Variants in CTNNA3 observed in about 807,000 individuals in gnomAD.
The protein encoded by CTNNA3 is catenin alpha 3.
Under a neutral mutation model 95.7 loss-of-function variants are expected in CTNNA3, and 76 were observed. That is an observed-to-expected ratio of 0.79 (90% CI 0.66 to 0.96). The LOEUF is 0.96. Among genes scored for constraint, CTNNA3 ranks in the 40% least tolerant of loss-of-function variants. The probability of loss-of-function intolerance (pLI) is 0.00; values close to 1 mark genes in which losing one functional copy is unlikely to be tolerated. For synonymous variants in CTNNA3, 431 were observed against 374.4 expected (o/e 1.15, Z -1.74); for missense variants, 1,191 against 1,089.8 (o/e 1.09, Z -1.31).
intron 13 of CTNNA3, among the ~76,000 whole-genome samples, chr10:66,165,578 T>G (rs777948995): frequency 5.9e-5 from 9 of 152,060 alleles, no homozygotes; most frequent in African/African-American, 1.9e-4. Flanking sequence ...CTAATGCCAG[T>G]CTTCTCAAAA....
chr10:66,856,095 C>T (rs2132396091), intron 7 of CTNNA3, among the ~76,000 whole-genome samples: 1 of 151,952 alleles, frequency 6.6e-6, no homozygotes, highest in South Asian at 2.1e-4. Context: ...TAGAGTACAC[C>T]CTGGTGTCTG....
intron 12 of CTNNA3, among the ~76,000 whole-genome samples, chr10:66,308,076 T>C (rs546786745): frequency 6.6e-6 from 1 of 152,342 alleles, no homozygotes; most frequent in Admixed American, 6.5e-5. Context: ...CATCTTTGTT[T>C]ATACTGTAGG....
rs948937414 is a variant in CTNNA3 at position 66,268,970 on chromosome 10, T to G, written c.1884+11500A>C. On this transcript the variant is annotated intron_variant, in intron 13 of 17. Transcript: ENST00000433211. Reference sequence around the variant, plus strand: ...GGCTGGCATCAGACCAACGTAAGGTTGATAAATAAACCATCATTGCAATAA... The same window carrying G: ...GGCTGGCATCAGACCAACGTAAGGTGGATAAATAAACCATCATTGCAATAA... Among the ~76,000 whole-genome samples the G allele has an allele frequency of 1.4e-4, 21 of 152,164 alleles. 1 individual carries two copies. The highest frequency in any genetic ancestry group is 4.4e-5 in the Non-Finnish European group (3 of 68,028).
chr10:67,188,858 G>A (rs1862987987), intron 6 of CTNNA3, among the ~76,000 whole-genome samples: 1 of 151,994 alleles, frequency 6.6e-6, no homozygotes, highest in Non-Finnish European at 1.5e-5. Context: ...GCCTATAATT[G>A]CAACATTTTG....
At chr10:66,490,792 G>A (rs1839897128) in intron 11 of CTNNA3, among the ~76,000 whole-genome samples, 1 of 152,186 alleles carries the variant, frequency 6.6e-6, no homozygotes, top group Non-Finnish European at 1.5e-5. Flanking sequence ...CTCTATGCAT[G>A]AGGAAGCAAG....
intron 14 of CTNNA3, among the ~76,000 whole-genome samples, chr10:66,085,268 AAAAT>A (rs2080937432): frequency 6.6e-6 from 1 of 152,190 alleles, no homozygotes; most frequent in Admixed American, 6.6e-5. Context: ...TTCACTAAGG[AAAAT>A]AAACAAGGAA....
rs1113977 is a variant in CTNNA3 at position 67,757,985 on chromosome 10, G to A, written c.-2+5449C>T. Among the ~76,000 whole-genome samples the A allele has an allele frequency of 0.033, 4,984 of 152,152 alleles. 582 individuals are homozygous for A. In the East Asian group the frequency reaches 0.43, roughly 13 times the overall value. On this transcript the variant is annotated intron_variant, in intron 1 of 17. Coordinates refer to the CTNNA3 transcript ENST00000684154. ...GAAGTGATAAACATCTGCATCAGTA[G>A]ACTGAGTAAAGAAGACCACCCTCAC...
At chr10:67,091,002 C>T (rs190499295) in intron 7 of CTNNA3, among the ~76,000 whole-genome samples, 10 of 151,954 alleles carry the variant, frequency 6.6e-5, no homozygotes, top group African/African-American at 2.4e-4. Context: ...GGAGTCAAGC[C>T]GGTAGAAAGG....
At chr10:67,322,115 G>A (rs1434851373) in intron 5 of CTNNA3, among the ~76,000 whole-genome samples, 2 of 150,590 alleles carry the variant, frequency 1.3e-5, no homozygotes, top group Non-Finnish European at 1.5e-5. Context: ...GCTTATACTT[G>A]AAAAAAAAAG....
At chr10:66,883,206 T>G (rs1844911214) in intron 7 of CTNNA3, among the ~76,000 whole-genome samples, 2 of 152,138 alleles carry the variant, frequency 1.3e-5, no homozygotes, top group Non-Finnish European at 2.9e-5. Context: ...AAAGTTTGCC[T>G]AAGGCCACCA....
At chr10:66,515,345 C>CTCTCTCTCTCTATATA (rs558913767) in intron 11 of CTNNA3, among the ~76,000 whole-genome samples, 1 of 148,894 alleles carries the variant, frequency 6.7e-6, no homozygotes, top group South Asian at 2.1e-4. Flanking sequence ...CTCTCTCTCT[C>CTCTCTCTCTCTATATA]TATATATATA....
chr10:66,400,463 C>T (rs2093011750), intron 11 of CTNNA3, among the ~76,000 whole-genome samples: 1 of 152,092 alleles, frequency 6.6e-6, no homozygotes, highest in African/African-American at 2.4e-5. Flanking sequence ...AATCAATATA[C>T]CCACACTAAG....
At chr10:66,768,076 A>G (rs1478824207) in intron 8 of CTNNA3, among the ~76,000 whole-genome samples, 1 of 152,280 alleles carries the variant, frequency 6.6e-6, no homozygotes, top group Non-Finnish European at 1.5e-5. Flanking sequence ...TAAGGTCACG[A>G]ATTTATTTGA....
intron 13 of CTNNA3, among the ~76,000 whole-genome samples, chr10:66,198,385 T>C (rs989487148): frequency 2.6e-5 from 4 of 152,136 alleles, no homozygotes; most frequent in Non-Finnish European, 5.9e-5. Flanking sequence ...GAAGATTAAT[T>C]ATAAGAGGAA....
At chr10:66,296,995 T>C (rs999338932) in intron 12 of CTNNA3, among the ~76,000 whole-genome samples, 3 of 152,196 alleles carry the variant, frequency 2.0e-5, no homozygotes, top group African/African-American at 7.2e-5. Context: ...TTGTCCACTT[T>C]CTTTTGAACA....
chr10:67,637,407 C>T (rs554805692), intron 2 of CTNNA3, among the ~76,000 whole-genome samples: 16 of 152,242 alleles, frequency 1.1e-4, no homozygotes, highest in East Asian at 7.7e-4. Context: ...CTGAAAGTGA[C>T]GGGCAGAATG....
intron 9 of CTNNA3, among the ~76,000 whole-genome samples, chr10:66,696,488 A>T (rs1847768858): frequency 6.6e-6 from 1 of 152,170 alleles, no homozygotes. Context: ...TTTAAAGTGA[A>T]CTAACTTATT....
At chr10:66,626,695 A>T (rs1016528865) in intron 9 of CTNNA3, among the ~76,000 whole-genome samples, 8 of 152,300 alleles carry the variant, frequency 5.3e-5, no homozygotes, top group Non-Finnish European at 8.8e-5. Context: ...CCTACAAAAA[A>T]TCCAAATCAA....
At chr10:66,685,295 G>GTATA (rs1847233675) in intron 9 of CTNNA3, among the ~76,000 whole-genome samples, 1 of 11,874 alleles carries the variant, frequency 8.4e-5, no homozygotes, top group African/African-American at 3.8e-4. Flanking sequence ...GTATATATAT[G>GTATA]TGTGTATATA....
Sources: allele counts gnomAD v4.1 joint callset (sites outside exome capture counted in the v4.1 genomes callset), GRCh38; gene constraint gnomAD v4.1.1; transcripts MANE v1.5; gene names NCBI Gene and HGNC (gene_info 2026-07-23, HGNC 2026-07-21).